BPIFA3: variants seen among roughly 807,000 people sequenced by gnomAD.
BPIFA3 encodes the protein BPI fold-containing family A member 3.
In BPIFA3, 32 loss-of-function variants were observed where a neutral mutation model predicts 29.7. The ratio of observed to expected loss-of-function variants is 1.08; its 90% CI spans 0.81 to 1.45. The LOEUF (loss-of-function observed/expected upper bound fraction) is 1.45, where lower values mean the gene tolerates loss of function less well. Ranked by LOEUF, BPIFA3 falls within the 40% of genes most tolerant of loss-of-function variation. BPIFA3 has a pLI of 0.00. For missense variants in BPIFA3, 323 were observed against 311.3 expected, an observed-to-expected ratio of 1.04 and a Z score of -0.28; for synonymous variants, 112 against 113.7, an observed-to-expected ratio of 0.98 and a Z score of 0.10.
At chr20:33,220,879 A>C (rs981017814) in intron 1 of BPIFA3, among the ~76,000 whole-genome samples, 1 of 152,196 alleles carries the variant, frequency 6.6e-6, no homozygotes, top group Non-Finnish European at 1.5e-5. Context: ...ACAGGAATGG[A>C]AATTAATCCA....
intron 1 of BPIFA3, among the ~76,000 whole-genome samples, chr20:33,222,648 A>G (rs1283643994): frequency 6.8e-6 from 1 of 147,060 alleles, no homozygotes; most frequent in Admixed American, 6.6e-5. Flanking sequence ...GGATGGATGG[A>G]TGGATGGATG....
intron 6 of BPIFA3, 65 bp downstream of exon 6, chr20:33,227,058 C>A (rs539260827): frequency 1.4e-6 from 2 of 1,476,322 alleles, no homozygotes. Flanking sequence ...GAGGTACCCC[C>A]GGCCCTGGAG....
chr20:33,221,504 A>G (rs533028887), intron 1 of BPIFA3, among the ~76,000 whole-genome samples: 95 of 152,358 alleles, frequency 6.2e-4, no homozygotes, highest in African/African-American at 2.1e-3. Flanking sequence ...CAAACTTTTC[A>G]TACATAAAAC....
Position 33,217,566 on chromosome 20 carries a change from C to T in BPIFA3, c.30C>T (p.Ile10=). The T allele has an allele frequency of 3.7e-6, 6 of 1,614,218 alleles. No homozygotes were observed. Among genetic ancestry groups the T allele is most frequent in the Non-Finnish European group, 5.1e-6 (6 of 1,180,028 alleles). Residue 10 remains isoleucine (I), a synonymous_variant, in exon 1 of 7, where the codon ATC becomes ATT. Coordinates refer to ENST00000375454, the MANE Select transcript of BPIFA3 (RefSeq NM_178466.5). Reference sequence around the variant, plus strand: ...TGTGTCCACTCTGGAGGCTCCTCATCTTCCTCGGGTTGCTGGCCTTGCCCT... The same window carrying T: ...TGTGTCCACTCTGGAGGCTCCTCATTTTCCTCGGGTTGCTGGCCTTGCCCT... The part of the protein sequence containing the change: MMCPLWRLL[I]FLGLLALPLA...
chr20:33,226,309 C>T (rs778655405), intron 4 of BPIFA3, 97 bp from the exon 5 acceptor site: 124 of 899,318 alleles, frequency 1.4e-4, no homozygotes, highest in Middle Eastern at 8.6e-4. Context: ...TGAGTGAGGA[C>T]TAAAAGACTG....
At chr20:33,224,515 C>G (rs192172563) in intron 3 of BPIFA3, 53 bp downstream of exon 3, 27 of 1,427,810 alleles carry the variant, frequency 1.9e-5, no homozygotes, top group Middle Eastern at 1.8e-4. Context: ...TCGCAGGGAA[C>G]CTGGGAAATT....
At position 33,223,823 on chromosome 20, in the gene BPIFA3, G is replaced by A. The variant is rs779049750; in HGVS notation, c.140G>A (p.Gly47Asp). Residue 47 changes from glycine to aspartate, a missense_variant, in exon 2 of 7, where the codon GGC (glycine) becomes GAC (aspartate). Gly to Asp is a moderately conservative substitution (Grantham distance 94). Transcript: ENST00000375454. ...KSTLARIIAQ[G>D]LIKHNAESRI... is the part of the protein sequence containing the mutation. The stretch of plus-strand genomic sequence containing the variant: ...TGTGCATTTCCAGTTATTGCTCAGG[G>A]CCTCATAAAGCACAACGCAGAAAGC... The A allele has an allele frequency of 5.6e-6, 9 of 1,613,498 alleles. No individual in the cohort carries two copies. In the East Asian group the frequency reaches 2.0e-4, roughly 36 times the overall value.
At chr20:33,220,532 A>G (rs368654806) in intron 1 of BPIFA3, among the ~76,000 whole-genome samples, 5 of 152,222 alleles carry the variant, frequency 3.3e-5, no homozygotes, top group African/African-American at 4.8e-5. Flanking sequence ...TATATATCCC[A>G]TAAGAGAATT....
At position 33,225,140 on chromosome 20, in the gene BPIFA3, C is replaced by T. The variant is rs1985719086; in HGVS notation, c.429C>T (p.Ser143=). ...TCGTAAAGATGTGTGCACATATGAG[C>T]ATCGTTGTGGAGTTCTGGCTGGAGA... ...NNIVKMCAHM[S]IVVEFWLEKD... is the part of the protein sequence containing the mutation. The change falls in exon 4 of 7, where the codon AGC becomes AGT. Residue 143 remains serine (S), a synonymous_variant. Transcript: ENST00000375454. 6.2e-7 allele frequency: 1 copy of T among 1,614,164 alleles called. No individual in the cohort carries two copies. Among genetic ancestry groups the T allele is most frequent in the African/African-American group, 1.3e-5 (1 of 75,032 alleles).
Position 33,226,974 on chromosome 20 carries a change from A to T in BPIFA3, c.666A>T (p.Lys222Asn). Reference protein sequence around the residue: ...IGEILGQLDVKLLKSLIEQEA... With the variant: ...IGEILGQLDVNLLKSLIEQEA... ...AAATCCTCGGGCAGCTGGATGTGAA[A>T]CTGTTGAAAAGCCTCATAGGTGAGT... is the stretch of plus-strand genomic sequence containing the variant. Residue 222 changes from lysine to asparagine, a missense_variant, in exon 6 of 7, where the codon AAA becomes AAT. Lys to Asn is a moderately conservative substitution (Grantham distance 94). Transcript: ENST00000375454. The T allele has an allele frequency of 1.2e-6, 2 of 1,613,920 alleles. No homozygotes were observed. The highest frequency in any genetic ancestry group is 2.2e-5 in the South Asian group (2 of 91,070).
At chr20:33,217,350 C>G (rs774662979), upstream of BPIFA3, 366 of 654,488 alleles carry the variant, frequency 5.6e-4, no homozygotes, top group Non-Finnish European at 8.2e-4. Context: ...TGTTGCTCTC[C>G]CAATGTGAGC....
At chr20:33,227,045 A>C (rs769543822) in intron 6 of BPIFA3, 52 bp downstream of exon 6, 2 of 1,548,476 alleles carry the variant, frequency 1.3e-6, no homozygotes, top group Non-Finnish European at 8.9e-7. Context: ...CAAGTGGCTG[A>C]AAGAGGTACC....
Position 33,217,407 on chromosome 20 carries a change from C to A in BPIFA3, c.-130C>A, listed in dbSNP as rs1303134945. The A allele has an allele frequency of 3.6e-5, 44 of 1,236,138 alleles. 1 individual carries two copies. In the South Asian group the frequency reaches 6.0e-4, roughly 17 times the overall value. 76.6% of individuals were successfully genotyped at this position (1,236,138 alleles called of 1,614,324 possible). On this transcript the variant is annotated 5_prime_UTR_variant, in exon 1 of 7. Coordinates refer to ENST00000375454, the MANE Select transcript of BPIFA3 (RefSeq NM_178466.5). ...GGTCCAGTGCAGCCCCTCCCCACAG[C>A]ATGCTGGGGGCTAATTCTGATGTCA...
intron 1 of BPIFA3, among the ~76,000 whole-genome samples, chr20:33,222,216 A>AT (rs1985545142): frequency 6.6e-6 from 1 of 152,252 alleles, no homozygotes; most frequent in East Asian, 1.9e-4. Context: ...GATTTTGTCT[A>AT]TTTCTCAGCT....
Position 33,221,302 on chromosome 20 carries a change from C to T in BPIFA3, c.128-2509C>T, listed in dbSNP as rs539943536. On this transcript the variant is annotated intron_variant, in intron 1 of 6. Transcript: ENST00000375454. ...CCCGAGTAGCTGGGATTACAGGTGC[C>T]CCCACTACCACGACCTACTGATTTA... 3.9e-5 allele frequency among the ~76,000 whole-genome samples: 6 copies of T among 152,148 alleles called. No individual in the cohort carries two copies. In the East Asian group the frequency reaches 1.2e-3, roughly 29 times the overall value.
Position 33,226,443 on chromosome 20 carries a change from C to G in BPIFA3, c.574C>G (p.Leu192Val). The G allele has an allele frequency of 6.2e-7, 1 of 1,611,528 alleles. No homozygotes were observed. Among genetic ancestry groups the G allele is most frequent in the Non-Finnish European group, 8.5e-7 (1 of 1,179,228 alleles). The change falls in exon 5 of 7, where the codon CTC becomes GTC. Residue 192 changes from leucine (L) to valine (V), a missense_variant. Coordinates refer to ENST00000375454, the MANE Select transcript of BPIFA3 (RefSeq NM_178466.5). ...PPKMNQFLYN[L>V]KENLQKVLPH... ...AAAGATGAATCAGTTTCTCTACAAC[C>G]TCAAAGAGAATCTGCAAAAAGTTCT...
At chr20:33,224,304 C>T in intron 2 of BPIFA3, 51 bp from the exon 3 acceptor site, 1 of 1,453,762 alleles carries the variant, frequency 6.9e-7, no homozygotes, top group Non-Finnish European at 9.6e-7. Context: ...GAAGCCTTAC[C>T]TGTTCTGAAG....
In BPIFA3 at chr20:33,217,561, C is replaced by T. The variant is rs368746864; in HGVS notation, c.25C>T (p.Leu9Phe). The T allele has an allele frequency of 8.1e-6, 13 of 1,614,070 alleles. No homozygotes were observed. The highest frequency in any genetic ancestry group is 1.0e-5 in the Non-Finnish European group (12 of 1,180,020). ...TATGATGTGTCCACTCTGGAGGCTC[C>T]TCATCTTCCTCGGGTTGCTGGCCTT... MMCPLWRL[L>F]IFLGLLALPL... The change falls in exon 1 of 7, where the codon CTC (leucine) becomes TTC (phenylalanine). Residue 9 changes from leucine to phenylalanine, a missense_variant. Coordinates refer to ENST00000375454, the MANE Select transcript of BPIFA3 (RefSeq NM_178466.5).
At chr20:33,221,453 G>A (rs1985512364) in intron 1 of BPIFA3, among the ~76,000 whole-genome samples, 1 of 152,164 alleles carries the variant, frequency 6.6e-6, no homozygotes, top group African/African-American at 2.4e-5. Flanking sequence ...CACTGCGCCT[G>A]GCCAAGATTT....
Sources: gnomAD v4.1 joint callset for allele counts (sites outside exome capture counted in the v4.1 genomes callset) on GRCh38, gnomAD v4.1.1 for gene constraint, MANE v1.5 for transcripts, NCBI Gene and HGNC (gene_info 2026-07-23, HGNC 2026-07-21) for gene names.